The following POLR1A variants were observed in gnomAD, a reference collection of about 807,000 sequenced individuals.
The protein encoded by POLR1A is RNA polymerase I subunit A.
Under a neutral mutation model 205.3 loss-of-function variants are expected in POLR1A, and 84 were observed. The ratio of observed to expected loss-of-function variants is 0.41; its 90% CI spans 0.34 to 0.49. The LOEUF (loss-of-function observed/expected upper bound fraction) is 0.49, where lower values mean the gene tolerates loss of function less well. Ranked by LOEUF, POLR1A falls within the 20% of genes least tolerant of loss-of-function variation. The pLI, the probability that POLR1A is intolerant of heterozygous loss-of-function variation, is 0.22. For synonymous variants in POLR1A, 799 were observed against 863.7 expected (o/e 0.93, Z 1.31); for missense variants, 1,645 against 2,204.5 (o/e 0.75, Z 5.08).
chr2:86,101,943 C>T (rs1673829429), intron 1 of POLR1A, among the ~76,000 whole-genome samples: 1 of 152,160 alleles, frequency 6.6e-6, no homozygotes, highest in African/African-American at 2.4e-5. Context: ...AAGGTTCATC[C>T]ATGTTATAGG....
At position 86,070,899 on chromosome 2, in the gene POLR1A, ATTAAAACAC is replaced by A. The variant is rs1673166400; in HGVS notation, c.1612-636_1612-628del. The stretch of plus-strand genomic sequence containing the variant: ...TTGGGAACAGAGTTTGAAAATAGCA[ATTAAAACAC>A]TTAAAACACATTTTCTGTTGGCTCT... On this transcript the variant is annotated intron_variant, in intron 12 of 33. Coordinates refer to ENST00000263857, the MANE Select transcript of POLR1A (RefSeq NM_015425.6). The surrounding 1 kb of genome is among the most constrained non-coding windows in gnomAD (Gnocchi z 4.4). Among the ~76,000 whole-genome samples the A allele has an allele frequency of 1.3e-5, 2 of 152,146 alleles. No homozygotes were observed. Among genetic ancestry groups the A allele is most frequent in the Admixed American group, 6.5e-5 (1 of 15,276 alleles).
Position 86,031,405 on chromosome 2 carries a change from C to A in POLR1A, c.4503G>T (p.Arg1501=), listed in dbSNP as rs766307850. The change falls in exon 30 of 34, where the codon CGG becomes CGT. Residue 1501 remains arginine, a synonymous_variant. Transcript: ENST00000263857. ...GGTGGATCTCACGCACAGCCTGGAC[C>A]CGGCGCTCCATGGCCTCGGGCCCCT... is the stretch of plus-strand genomic sequence containing the variant. ...EPQGPEAMER[R]VQAVREIHPF... is the part of the protein sequence containing the mutation. 1 of 1,612,872 alleles carries A rather than the reference C, an allele frequency of 6.2e-7. No individual in the cohort carries two copies.
chr2:86,049,104 C>A (rs1672756217), intron 17 of POLR1A, 56 bp downstream of exon 17: 1 of 1,612,268 alleles, frequency 6.2e-7, no homozygotes, highest in Non-Finnish European at 8.5e-7. Context: ...TGGGTTTTGA[C>A]TCAGCACACA....
intron 20 of POLR1A, 79 bp downstream of exon 20, chr2:86,045,538 C>T (rs889844372): frequency 2.1e-6 from 3 of 1,448,450 alleles, no homozygotes; most frequent in South Asian, 2.3e-5. Context: ...CTGCCCTACC[C>T]TGTAGGGCAG....
At position 86,022,367 on chromosome 2, in the gene POLR1A, G is replaced by A. The variant is rs917747666; in HGVS notation, c.*5056C>T. Reference sequence around the variant, plus strand: ...TTTACTGCACGTGCACTCACTTGAGGGCAGAGATCAGATCTTAAGATCCTA... The same window carrying A: ...TTTACTGCACGTGCACTCACTTGAGAGCAGAGATCAGATCTTAAGATCCTA... On this transcript the variant is annotated 3_prime_UTR_variant, in exon 34 of 34. Transcript: ENST00000263857. The A allele has an allele frequency of 6.6e-5, 10 of 152,298 alleles. No individual in the cohort carries two copies. Among genetic ancestry groups the A allele is most frequent in the Non-Finnish European group, 1.0e-4 (7 of 68,026 alleles). 9.4% of individuals were successfully genotyped at this position (152,298 alleles called of 1,614,324 possible). A position where few individuals can be genotyped will look rare whatever the true frequency, so the allele number is the denominator to read the frequency against.
rs1353969274 is a variant in POLR1A, at chr2:86,089,851, T to C, written c.511A>G (p.Asn171Asp). 2.5e-6 allele frequency: 4 copies of C among 1,611,896 alleles called. No individual in the cohort carries two copies. The South Asian group carries it at 4.4e-5, about 18-fold the overall frequency. ...LEQYTTEIVQ[N>D]NLLGSQGAHV... is the part of the protein sequence containing the mutation. ...GCGCCCTGGGACCCCAGGAGGTTGT[T>C]CTGCACAATTTCAGTTGTGTATTGT... The change falls in exon 4 of 34, where the codon AAC (asparagine) becomes GAC (aspartate). Residue 171 changes from asparagine (N) to aspartate (D), a missense_variant. Coordinates refer to ENST00000263857, the MANE Select transcript of POLR1A (RefSeq NM_015425.6).
intron 27 of POLR1A, among the ~76,000 whole-genome samples, chr2:86,034,886 G>GC (rs1672466336): frequency 1.3e-5 from 2 of 151,602 alleles, no homozygotes; most frequent in East Asian, 3.9e-4. Context: ...TCCCCCCACC[G>GC]TCCCGAGATG....
Position 86,028,168 on chromosome 2 carries a change from C to T in POLR1A, c.4898-119G>A. Reference sequence around the variant, plus strand: ...GCTTGGGAGTTAGACTCTGGGGCTCCCCTTCAGCTCCGCCACCTGCTCACG... The same window carrying T: ...GCTTGGGAGTTAGACTCTGGGGCTCTCCTTCAGCTCCGCCACCTGCTCACG... On this transcript the variant is annotated intron_variant, in intron 32 of 33. Coordinates refer to ENST00000263857, the MANE Select transcript of POLR1A (RefSeq NM_015425.6). The surrounding 1 kb of genome is among the most constrained non-coding windows in gnomAD (Gnocchi z 4.5). 1.1e-6 allele frequency: 1 copy of T among 929,710 alleles called. No individual in the cohort carries two copies. Among genetic ancestry groups the T allele is most frequent in the Non-Finnish European group, 1.7e-6 (1 of 582,288 alleles). The allele number at this position is 929,710 out of a possible 1,614,324, so 57.6% of individuals were successfully genotyped here.
In POLR1A at chr2:86,075,264, G is replaced by T; in HGVS notation, c.1381-4C>A. The T allele has an allele frequency of 6.3e-7, 1 of 1,587,304 alleles. No homozygotes were observed. The highest frequency in any genetic ancestry group is 2.2e-5 in the East Asian group (1 of 44,450). ...AGGTCAGTTTTGTGGCAAACACCTG[G>T]AAATGAGGAATGGAGGTAGAAATTC... On this transcript the variant is annotated splice_polypyrimidine_tract_variant and splice_region_variant and intron_variant, in intron 11 of 33. Coordinates refer to ENST00000263857, the MANE Select transcript of POLR1A (RefSeq NM_015425.6).
chr2:86,048,149 GAGTGT>G (rs1672739924), intron 18 of POLR1A, among the ~76,000 whole-genome samples: 1 of 152,212 alleles, frequency 6.6e-6, no homozygotes, highest in South Asian at 2.1e-4. Flanking sequence ...GACTTTTGAT[GAGTGT>G]TGGCATTGCC....
chr2:86,077,838 CA>C lies in POLR1A; in HGVS notation c.1380+20del. 1 of 1,602,484 alleles carries C rather than the reference CA, an allele frequency of 6.2e-7. No individual in the cohort carries two copies. The highest frequency in any genetic ancestry group is 8.5e-7 in the Non-Finnish European group (1 of 1,178,206). On this transcript the variant is annotated intron_variant, in intron 11 of 33. Coordinates refer to ENST00000263857, the MANE Select transcript of POLR1A (RefSeq NM_015425.6). ...ACACACACACACACACACACACACA[CA>C]CACACACACACACACACACCATGGG...
In POLR1A at chr2:86,043,037, T is replaced by C; in HGVS notation, c.3294A>G (p.Glu1098=). Residue 1098 remains glutamate (E), a synonymous_variant, in exon 23 of 34, where the codon GAA becomes GAG. Coordinates refer to ENST00000263857, the MANE Select transcript of POLR1A (RefSeq NM_015425.6). ...AFLSYSQKIQ[E]AVKALKLESE... is the part of the protein sequence containing the mutation. ...TCTCAAGTTTCAGGGCTTTCACAGC[T>C]TCCTGAATTTTCTGGGAATAACTCA... The C allele has an allele frequency of 6.2e-7, 1 of 1,614,218 alleles. No homozygotes were observed. Among genetic ancestry groups the C allele is most frequent in the Non-Finnish European group, 8.5e-7 (1 of 1,180,034 alleles).
At position 86,083,119 on chromosome 2, in the gene POLR1A, A is replaced by C; in HGVS notation, c.780T>G (p.Ser260Arg). ...ACAGGGCAGAAAGGTGTTCGCGGGC[A>C]CTGGTGGGTGTTAAGTATCCTCGTT... Reference protein sequence around the residue: ...IGKRGYLTPTSAREHLSALWK... With the variant: ...IGKRGYLTPTRAREHLSALWK... Residue 260 changes from serine (S) to arginine (R), a missense_variant, in exon 7 of 34, where the codon AGT becomes AGG. Ser to Arg is a moderately radical substitution (Grantham distance 110). This residue lies in a region of POLR1A where 330 missense variants were observed against 375.6 expected (regional missense o/e 0.88). Transcript: ENST00000263857. 5 of 1,614,120 alleles carry C rather than the reference A, an allele frequency of 3.1e-6. No individual in the cohort carries two copies. The highest frequency in any genetic ancestry group is 1.7e-5 in the Admixed American group (1 of 60,016).
chr2:86,085,678 C>T (rs1245656272), intron 6 of POLR1A, among the ~76,000 whole-genome samples: 1 of 152,214 alleles, frequency 6.6e-6, no homozygotes, highest in African/African-American at 2.4e-5. Flanking sequence ...TCTTCAATCA[C>T]AGGATCTTAA....
intron 13 of POLR1A, among the ~76,000 whole-genome samples, chr2:86,066,148 T>C (rs1014074804): frequency 2.6e-5 from 4 of 152,164 alleles, no homozygotes; most frequent in African/African-American, 9.7e-5. Flanking sequence ...AGTTTCACAG[T>C]TGAGGCCTGA....
intron 24 of POLR1A, 69 bp downstream of exon 24, chr2:86,041,820 G>A (rs1318779525): frequency 1.5e-6 from 2 of 1,342,516 alleles, no homozygotes; most frequent in Non-Finnish European, 1.1e-6. Context: ...GAGTAGGGCA[G>A]GGGCTAGGAG....
intron 9 of POLR1A, 100 bp downstream of exon 9, chr2:86,080,716 T>C (rs772943336): frequency 5.0e-6 from 6 of 1,196,198 alleles, no homozygotes; most frequent in Admixed American, 2.6e-5. Context: ...GCACAGAACA[T>C]CCCAGGAAGC....
chr2:86,040,167 G>A, intron 25 of POLR1A: 3 of 405,818 alleles, frequency 7.4e-6, no homozygotes, highest in Non-Finnish European at 1.3e-5. Flanking sequence ...GGATGCAGGA[G>A]TTGGCAGAGG....
intron 12 of POLR1A, among the ~76,000 whole-genome samples, chr2:86,071,048 T>C (rs1673169183): frequency 2.0e-5 from 3 of 151,586 alleles, no homozygotes; most frequent in Admixed American, 2.0e-4. Context: ...GGGGCAATAG[T>C]GTATCCACAC....
Sources: gnomAD v4.1 joint callset for allele counts (sites outside exome capture counted in the v4.1 genomes callset) on GRCh38, gnomAD v4.1.1 for gene constraint, gnomAD v4.1.1 regional missense constraint, Gnocchi (gnomAD v3.1) non-coding constraint, MANE v1.5 for transcripts, NCBI Gene and HGNC (gene_info 2026-07-23, HGNC 2026-07-21) for gene names.